Variants in ZNF385D observed in about 807,000 individuals in gnomAD.
ZNF385D encodes zinc finger protein 659.
In ZNF385D, 15 loss-of-function variants were observed where a neutral mutation model predicts 35.8. The ratio of observed to expected loss-of-function variants is 0.42; its 90% confidence interval spans 0.28 to 0.64. ZNF385D has a LOEUF of 0.64. Ranked by LOEUF, ZNF385D falls within the 30% of genes least tolerant of loss-of-function variation. The probability of loss-of-function intolerance (pLI) is 0.23; values close to 1 mark genes in which losing one functional copy is unlikely to be tolerated. For missense variants in ZNF385D, 474 were observed against 494.6 expected (o/e 0.96, Z 0.39); for synonymous variants, 212 against 186.8 (o/e 1.13, Z -1.10).
intron 3 of ZNF385D, among the ~76,000 whole-genome samples, chr3:21,998,654 C>T (rs925841108): frequency 6.6e-6 from 1 of 152,166 alleles, no homozygotes; most frequent in African/African-American, 2.4e-5. Flanking sequence ...ATAACAAGAA[C>T]ATATTTTGAA....
chr3:22,098,055 G>A lies in ZNF385D; in HGVS notation c.325+70762C>T, dbSNP rs1323007178. Among the ~76,000 whole-genome samples the A allele has an allele frequency of 2.6e-5, 4 of 152,060 alleles. No individual in the cohort carries two copies. The East Asian group carries it at 7.7e-4, about 29-fold the overall frequency. Reference sequence around the variant, plus strand: ...CACAGGCTAGGGAAATACCTAGAGTGTGTTGGCAGAAGAGGTGGTGGTAGT... The same window carrying A: ...CACAGGCTAGGGAAATACCTAGAGTATGTTGGCAGAAGAGGTGGTGGTAGT... On this transcript the variant is annotated intron_variant, in intron 3 of 5. Transcript: ENST00000494108.
chr3:21,684,396 CT>C (rs1559516670), intron 1 of ZNF385D, among the ~76,000 whole-genome samples: 15 of 83,328 alleles, frequency 1.8e-4, no homozygotes, highest in African/African-American at 9.1e-4. Flanking sequence ...CTCTCTCTCT[CT>C]CTCTCTCCTC....
intron 3 of ZNF385D, among the ~76,000 whole-genome samples, chr3:21,767,766 G>C (rs1270266587): frequency 6.6e-6 from 1 of 151,984 alleles, no homozygotes. Context: ...TTATGAAATG[G>C]TAGTTGACAA....
intron 3 of ZNF385D, among the ~76,000 whole-genome samples, chr3:22,060,391 T>G (rs2125540267): frequency 6.6e-6 from 1 of 152,324 alleles, no homozygotes; most frequent in Middle Eastern, 3.4e-3. Flanking sequence ...AAAGTGAATT[T>G]CAATCAACCA....
At chr3:22,160,491 T>G (rs926901923) in intron 3 of ZNF385D, among the ~76,000 whole-genome samples, 2 of 152,124 alleles carry the variant, frequency 1.3e-5, no homozygotes, top group Non-Finnish European at 2.9e-5. Context: ...TAACTATCAA[T>G]GTTGCAGGAG....
intron 3 of ZNF385D, among the ~76,000 whole-genome samples, chr3:21,965,050 G>C (rs1702834960): frequency 6.6e-6 from 1 of 152,212 alleles, no homozygotes; most frequent in South Asian, 2.1e-4. Flanking sequence ...GTTGACACTA[G>C]AATCAGAAAG....
chr3:22,027,074 T>C (rs969171159), intron 3 of ZNF385D, among the ~76,000 whole-genome samples: 3 of 152,218 alleles, frequency 2.0e-5, no homozygotes, highest in Admixed American at 1.3e-4. Flanking sequence ...CCCAAAGCAA[T>C]TTGCCTTCAG....
chr3:22,249,420 G>A (rs1219864534), intron 2 of ZNF385D, among the ~76,000 whole-genome samples: 1 of 152,094 alleles, frequency 6.6e-6, no homozygotes, highest in African/African-American at 2.4e-5. Flanking sequence ...AATAGCACGA[G>A]GGTCTCTTAA....
At chr3:22,288,083 C>A (rs753784284) in intron 2 of ZNF385D, among the ~76,000 whole-genome samples, 3 of 151,792 alleles carry the variant, frequency 2.0e-5, no homozygotes, top group Non-Finnish European at 4.4e-5. Flanking sequence ...TATCAAACCA[C>A]TTCTTTATGA....
chr3:22,078,523 G>C (rs1008936746), intron 3 of ZNF385D, among the ~76,000 whole-genome samples: 1 of 152,042 alleles, frequency 6.6e-6, no homozygotes, highest in African/African-American at 2.4e-5. Context: ...ACAGATGAGA[G>C]GATTTTGCAA....
intron 2 of ZNF385D, among the ~76,000 whole-genome samples, chr3:21,656,043 A>T (rs893073765): frequency 1.3e-5 from 2 of 151,916 alleles, no homozygotes; most frequent in Non-Finnish European, 2.9e-5. Context: ...GTTACAGGGT[A>T]GGGGGTGCTA....
intron 3 of ZNF385D, among the ~76,000 whole-genome samples, chr3:21,895,319 CTTTT>C (rs34167369): frequency 1.3e-4 from 8 of 62,690 alleles, no homozygotes; most frequent in South Asian, 8.9e-4. Flanking sequence ...AAATGTGTGG[CTTTT>C]TTTTTTTTTT....
In ZNF385D at chr3:21,417,694, T is replaced by C. The variant is rs762074613; in HGVS notation, c.*3520A>G. ...AGGCACAGCCTCTTTGATTCTATTT[T>C]GAAACTTCTGCTGTCTTTTAATTCT... On this transcript the variant is annotated 3_prime_UTR_variant, in exon 8 of 8. Transcript: ENST00000281523. 8 of 152,186 alleles carry C rather than the reference T, an allele frequency of 5.3e-5. No individual in the cohort carries two copies. Among genetic ancestry groups the C allele is most frequent in the Non-Finnish European group, 1.2e-4 (8 of 68,000 alleles). 9.4% of individuals were successfully genotyped at this position (152,186 alleles called of 1,614,324 possible).
chr3:22,329,719 T>C (rs1217712459), intron 2 of ZNF385D, among the ~76,000 whole-genome samples: 1 of 152,186 alleles, frequency 6.6e-6, no homozygotes, highest in African/African-American at 2.4e-5. Flanking sequence ...GCAAGCCACA[T>C]GTAATTTTAT....
At chr3:21,890,467 A>G (rs565921046) in intron 3 of ZNF385D, among the ~76,000 whole-genome samples, 1 of 152,172 alleles carries the variant, frequency 6.6e-6, no homozygotes, top group African/African-American at 2.4e-5. Flanking sequence ...AAAAATACAA[A>G]AATTAGCTGT....
Position 21,414,925 on chromosome 3 carries a change from A to C in ZNF385D, c.*6289T>G, listed in dbSNP as rs898023569. On this transcript the variant is annotated 3_prime_UTR_variant, in exon 8 of 8. Transcript: ENST00000281523. ...TCTCTACTAATGTTAGCATAACATC[A>C]TAAGAGACATAAAGCATCTCACGAA... 1 of 152,126 alleles carries C rather than the reference A, an allele frequency of 6.6e-6. No individual in the cohort carries two copies. The highest frequency in any genetic ancestry group is 1.5e-5 in the Non-Finnish European group (1 of 68,002). The allele number at this position is 152,126 out of a possible 1,614,324, so 9.4% of individuals were successfully genotyped here. A position where few individuals can be genotyped will look rare whatever the true frequency, so the allele number is the denominator to read the frequency against.
At chr3:22,148,073 C>A (rs892595974) in intron 3 of ZNF385D, among the ~76,000 whole-genome samples, 3 of 151,886 alleles carry the variant, frequency 2.0e-5, no homozygotes, top group Non-Finnish European at 4.4e-5. Context: ...GTATTTTATC[C>A]CACTTTAACA....
intron 3 of ZNF385D, among the ~76,000 whole-genome samples, chr3:21,762,384 A>T (rs574499359): frequency 6.6e-6 from 1 of 151,882 alleles, no homozygotes; most frequent in East Asian, 1.9e-4. Flanking sequence ...GCTCTTTTCC[A>T]CTGTCTCAAC....
intron 4 of ZNF385D, among the ~76,000 whole-genome samples, chr3:21,470,474 A>C (rs147399515): frequency 2.7e-4 from 41 of 152,332 alleles, no homozygotes; most frequent in Admixed American, 2.6e-3. Flanking sequence ...AACCTTTCTA[A>C]AACTTTAAAG....
Sources: allele counts gnomAD v4.1 joint callset (sites outside exome capture counted in the v4.1 genomes callset), GRCh38; gene constraint gnomAD v4.1.1; transcripts MANE v1.5; gene names NCBI Gene and HGNC (gene_info 2026-07-23, HGNC 2026-07-21).